DNAH17: variants seen among roughly 807,000 people sequenced by gnomAD.
DNAH17 encodes axonemal beta dynein heavy chain 17.
DNAH17 carries 376 observed loss-of-function variants against 485.6 expected under a neutral mutation model. The ratio of observed to expected loss-of-function variants is 0.77; its 90% CI spans 0.71 to 0.84. The LOEUF is 0.84. Ranked by LOEUF, DNAH17 falls within the 40% of genes least tolerant of loss-of-function variation. DNAH17 has a pLI of 0.00. For missense variants in DNAH17, 6,370 were observed against 5,839.3 expected, an observed-to-expected ratio of 1.09 and a Z score of -2.96; for synonymous variants, 3,031 against 2,405.9, an observed-to-expected ratio of 1.26 and a Z score of -7.60.
intron 43 of DNAH17, among the ~76,000 whole-genome samples, 200 bp downstream of exon 43, chr17:78,491,243 G>T (rs1014967077): frequency 6.6e-6 from 1 of 152,228 alleles, no homozygotes; most frequent in Non-Finnish European, 1.5e-5. Flanking sequence ...TGTAAGGTGA[G>T]GCGCATGCAA....
At chr17:78,445,908 G>A (rs1001938436) in intron 69 of DNAH17, among the ~76,000 whole-genome samples, 24 of 151,944 alleles carry the variant, frequency 1.6e-4, no homozygotes, top group African/African-American at 5.1e-4. Flanking sequence ...AGTGACTCAC[G>A]CCTGTAATCC....
intron 66 of DNAH17, 62 bp from the exon 67 acceptor site, chr17:78,450,908 TCC>T: frequency 6.3e-7 from 1 of 1,581,282 alleles, no homozygotes; most frequent in Non-Finnish European, 8.6e-7. Flanking sequence ...CACCCGGGCC[TCC>T]CTCAGGTGGC....
chr17:78,494,502 G>A (rs1220221889), intron 40 of DNAH17, 91 bp downstream of exon 40: 1 of 1,369,808 alleles, frequency 7.3e-7, no homozygotes, highest in African/African-American at 1.4e-5. Context: ...GTGCGTGTGT[G>A]ACACGGGTCT....
At chr17:78,430,060 T>C (rs2146421102) in intron 75 of DNAH17, among the ~76,000 whole-genome samples, 1 of 152,324 alleles carries the variant, frequency 6.6e-6, no homozygotes, top group African/African-American at 2.4e-5. Flanking sequence ...CCCTTCATGC[T>C]TCCTTGCAGT....
intron 70 of DNAH17, among the ~76,000 whole-genome samples, chr17:78,445,197 CGCTGGGAGGAGGGGAG>C (rs1409995125): frequency 4.4e-5 from 1 of 22,762 alleles, no homozygotes; most frequent in Non-Finnish European, 8.6e-5. Context: ...ACTTCCCTTA[CGCTGGGAGGAGGGGAG>C]GCTGGGGGGA....
rs2090527844 is a variant in DNAH17 at position 78,507,756 on chromosome 17, T to C, written c.4286A>G (p.Glu1429Gly). Residue 1429 changes from glutamate to glycine, a missense_variant, in exon 28 of 81, where the codon GAG (glutamate) becomes GGG (glycine). By Grantham distance (98) the Glu-to-Gly change is moderately conservative. Transcript: ENST00000389840. Reference sequence around the variant, plus strand: ...CATGGTGCCTGTCCGCGGGTGCGGCTCGTGCTGGAATTCCATCATGCTCCA... The same window carrying C: ...CATGGTGCCTGTCCGCGGGTGCGGCCCGTGCTGGAATTCCATCATGCTCCA... ...STWSMMEFQH[E>G]PHPRTGTMML... The C allele has an allele frequency of 6.3e-7, 1 of 1,590,266 alleles. No individual in the cohort carries two copies. Among genetic ancestry groups the C allele is most frequent in the Non-Finnish European group, 8.5e-7 (1 of 1,174,532 alleles).
intron 71 of DNAH17, among the ~76,000 whole-genome samples, chr17:78,443,140 G>C (rs1365918260): frequency 1.3e-5 from 2 of 152,178 alleles, no homozygotes; most frequent in Non-Finnish European, 2.9e-5. Flanking sequence ...TAGGTGGCCA[G>C]AGTGCAGTCA....
In DNAH17 at chr17:78,497,769, C is replaced by T. The variant is rs78961430; in HGVS notation, c.5745+1239G>A. On this transcript the variant is annotated intron_variant, in intron 37 of 80. Transcript: ENST00000389840. The stretch of plus-strand genomic sequence containing the variant: ...GCTGGCAGACCTGTGTCACCAACAC[C>T]GCCTTACAGGTTAGAAGGTGGAGGC... 7.9e-3 allele frequency among the ~76,000 whole-genome samples: 1,198 copies of T among 152,310 alleles called. 15 individuals carry two copies. Among genetic ancestry groups the T allele is most frequent in the African/African-American group, 0.027 (1,103 of 41,556 alleles).
intron 72 of DNAH17, among the ~76,000 whole-genome samples, chr17:78,440,408 C>T (rs1434470744): frequency 2.0e-5 from 3 of 151,882 alleles, no homozygotes; most frequent in South Asian, 2.1e-4. Flanking sequence ...AGGCGTACAC[C>T]ACCATACCTG....
At chr17:78,446,647 ATTAT>A (rs2146479373) in intron 69 of DNAH17, among the ~76,000 whole-genome samples, 1 of 151,734 alleles carries the variant, frequency 6.6e-6, no homozygotes, top group South Asian at 2.1e-4. Context: ...ATTATTTATT[ATTAT>A]TTATTTTTTT....
chr17:78,508,126 G>A (rs1188181814), intron 27 of DNAH17, among the ~76,000 whole-genome samples: 1 of 152,170 alleles, frequency 6.6e-6, no homozygotes, highest in Non-Finnish European at 1.5e-5. Context: ...GCACGCAAAG[G>A]AGATCAGAAC....
rs1474922241 is a variant in DNAH17 at position 78,459,350 on chromosome 17, G to A, written c.9654-142C>T. On this transcript the variant is annotated intron_variant, in intron 60 of 80. Coordinates refer to ENST00000389840, the MANE Select transcript of DNAH17 (RefSeq NM_173628.4). ...TTCACACAGTCAGGCTGGCCCTAGA[G>A]GCCACCCCCCACCGGCTCTGCTCTC... The A allele has an allele frequency of 6.2e-6, 5 of 803,618 alleles. No individual in the cohort carries two copies. The Admixed American group carries it at 1.0e-4, about 16-fold the overall frequency. The allele number at this position is 803,618 out of a possible 1,614,324, so 49.8% of individuals were successfully genotyped here.
At chr17:78,470,147 C>G (rs1236262949) in intron 54 of DNAH17, among the ~76,000 whole-genome samples, 1 of 138,722 alleles carries the variant, frequency 7.2e-6, no homozygotes, top group East Asian at 2.1e-4. Flanking sequence ...GATCTTGGCT[C>G]ACTTCAACCT....
chr17:78,466,279 G>A (rs898881197), intron 56 of DNAH17, among the ~76,000 whole-genome samples: 3 of 152,044 alleles, frequency 2.0e-5, no homozygotes, highest in Admixed American at 2.0e-4. Flanking sequence ...AAGTACCCAG[G>A]GACACAAACA....
intron 74 of DNAH17, among the ~76,000 whole-genome samples, chr17:78,436,561 A>G (rs1426097406): frequency 1.3e-5 from 2 of 151,956 alleles, no homozygotes; most frequent in Non-Finnish European, 2.9e-5. Context: ...GAGGACCTGC[A>G]GAGGCAGGAG....
rs112987149 is a variant in DNAH17, at chr17:78,459,737, G to A, written c.9653+47C>T. The stretch of plus-strand genomic sequence containing the variant: ...CCTCAGCATCGTGCCTTGGCCTGAT[G>A]GAGAATCGGAGGGAAGCCCCGGCTA... On this transcript the variant is annotated intron_variant, in intron 60 of 80. Coordinates refer to ENST00000389840, the MANE Select transcript of DNAH17 (RefSeq NM_173628.4). 163 of 1,605,570 alleles carry A rather than the reference G, an allele frequency of 1.0e-4. 1 individual carries two copies. The African/African-American group carries it at 1.6e-3, about 16-fold the overall frequency.
intron 25 of DNAH17, among the ~76,000 whole-genome samples, chr17:78,524,119 A>G (rs913550182): frequency 6.6e-6 from 1 of 151,966 alleles, no homozygotes; most frequent in Admixed American, 6.6e-5. Context: ...GGCCCTCAGG[A>G]ATGTGATTTG....
rs372947341 is a variant in DNAH17 at position 78,537,385 on chromosome 17, G to A, written c.2773C>T (p.Leu925=). 5 of 1,612,756 alleles carry A rather than the reference G, an allele frequency of 3.1e-6. No individual in the cohort carries two copies. The highest frequency in any genetic ancestry group is 2.2e-5 in the South Asian group (2 of 90,882). ...TLEVGSDRGF[L]ALIEGLVNDI... is the part of the protein sequence containing the mutation. ...TTGACCAGGCCCTCGATCAGTGCCA[G>A]GAAGCCGCGATCTGAGCCCACCTCC... Residue 925 remains leucine (L), a synonymous_variant, in exon 19 of 81, where the codon CTG becomes TTG. Transcript: ENST00000389840.
rs545718291 is a variant in DNAH17, at chr17:78,467,131, G to C, written c.8779-315C>G. On this transcript the variant is annotated intron_variant, in intron 55 of 80. Coordinates refer to ENST00000389840, the MANE Select transcript of DNAH17 (RefSeq NM_173628.4). ...CATTGGGCAGATGAGGCCCCAGAAC[G>C]GGCCGGGCTCCCAAGCCCTTCGGTT... Among the ~76,000 whole-genome samples, 11 of 152,210 alleles carry C rather than the reference G, an allele frequency of 7.2e-5. 1 individual carries two copies. Among genetic ancestry groups the C allele is most frequent in the Non-Finnish European group, 2.9e-5 (2 of 68,028 alleles).
Sources: allele counts gnomAD v4.1 joint callset (sites outside exome capture counted in the v4.1 genomes callset), GRCh38; gene constraint gnomAD v4.1.1; transcripts MANE v1.5; gene names NCBI Gene and HGNC (gene_info 2026-07-23, HGNC 2026-07-21).